Variants in CBLN2 observed in about 807,000 individuals in gnomAD.
CBLN2 encodes the protein cerebellin 2 precursor.
CBLN2 carries 7 observed loss-of-function variants against 15.0 expected under a neutral mutation model. That is an observed-to-expected ratio of 0.47 (90% CI 0.27 to 0.88). CBLN2 has a LOEUF of 0.88. Ranked by LOEUF, CBLN2 falls within the 40% of genes least tolerant of loss-of-function variation. The pLI is 0.14. For synonymous variants in CBLN2, 149 were observed against 135.2 expected (o/e 1.10, Z -0.71); for missense variants, 242 against 304.5 (o/e 0.79, Z 1.53).
intron 1 of CBLN2, among the ~76,000 whole-genome samples, chr18:72,578,119 A>G (rs1317924678): frequency 6.6e-6 from 1 of 152,172 alleles, no homozygotes; most frequent in African/African-American, 2.4e-5. Context: ...GGATTTTACT[A>G]CCCAGAGTAT....
Position 72,537,359 on chromosome 18 carries a change from CT to C in CBLN2, c.*816del, listed in dbSNP as rs1200302359. The C allele has an allele frequency of 6.6e-6, 1 of 152,160 alleles. No homozygotes were observed. The highest frequency in any genetic ancestry group is 1.9e-4 in the East Asian group (1 of 5,188). The allele number at this position is 152,160 out of a possible 1,614,324, so 9.4% of individuals were successfully genotyped here. A position where few individuals can be genotyped will look rare whatever the true frequency, so the allele number is the denominator to read the frequency against. ...TTACTTTTACTTTGATAAACAGATA[CT>C]TTTTGTTTAGTTTGGTCTCGTCTAA... On this transcript the variant is annotated 3_prime_UTR_variant, in exon 5 of 5. Coordinates refer to ENST00000269503, the MANE Select transcript of CBLN2 (RefSeq NM_182511.4).
chr18:72,571,801 C>T (rs928306768), intron 1 of CBLN2, among the ~76,000 whole-genome samples: 2 of 152,154 alleles, frequency 1.3e-5, no homozygotes, highest in African/African-American at 4.8e-5. Context: ...TATATGAAAG[C>T]TGTGTCAGAC....
chr18:72,551,937 CTTTCATATCAAAA>C (rs2069194304), intron 1 of CBLN2, among the ~76,000 whole-genome samples: 1 of 152,026 alleles, frequency 6.6e-6, no homozygotes, highest in Non-Finnish European at 1.5e-5. Context: ...TTGTGTTGAC[CTTTCATATCAAAA>C]AGTTAACTAC....
chr18:72,575,773 A>ATGAGAC (rs1271353568), intron 1 of CBLN2, among the ~76,000 whole-genome samples: 1 of 150,960 alleles, frequency 6.6e-6, no homozygotes, highest in East Asian at 2.0e-4. Flanking sequence ...TTTGGAAGGA[A>ATGAGAC]TGAGACAAGG....
intron 1 of CBLN2, among the ~76,000 whole-genome samples, chr18:72,633,459 G>T (rs2069790514): frequency 6.6e-6 from 1 of 152,236 alleles, no homozygotes; most frequent in South Asian, 2.1e-4. Context: ...AGTAGTAACA[G>T]GATAGTAGCT....
chr18:72,554,423 G>T (rs1428853763), intron 1 of CBLN2, among the ~76,000 whole-genome samples: 2 of 152,068 alleles, frequency 1.3e-5, no homozygotes, highest in Non-Finnish European at 2.9e-5. Context: ...TAGAGAAATT[G>T]TTCCCTTTCC....
intron 1 of CBLN2, among the ~76,000 whole-genome samples, chr18:72,603,220 T>C (rs1387453476): frequency 6.6e-6 from 1 of 152,260 alleles, no homozygotes; most frequent in Non-Finnish European, 1.5e-5. Flanking sequence ...TTTGATTTTA[T>C]AAAAACCTTT....
chr18:72,615,973 G>A (rs1023035009), intron 1 of CBLN2, among the ~76,000 whole-genome samples: 4 of 151,984 alleles, frequency 2.6e-5, no homozygotes, highest in African/African-American at 9.7e-5. Context: ...CAATTCTAAG[G>A]ACTCCTGTCG....
At chr18:72,563,118 A>G (rs1454184760) in intron 1 of CBLN2, among the ~76,000 whole-genome samples, 1 of 152,212 alleles carries the variant, frequency 6.6e-6, no homozygotes, top group Non-Finnish European at 1.5e-5. Flanking sequence ...ACAAAGACAC[A>G]CCTATAGAAA....
intron 3 of CBLN2, 54 bp from the exon 4 acceptor site, chr18:72,538,826 G>T: frequency 6.3e-7 from 1 of 1,593,732 alleles, no homozygotes. Context: ...CTCGGTGTAT[G>T]TTTTCATCAT....
At chr18:72,612,345 T>C (rs945803454) in intron 1 of CBLN2, among the ~76,000 whole-genome samples, 10 of 152,202 alleles carry the variant, frequency 6.6e-5, no homozygotes, top group Non-Finnish European at 1.3e-4. Flanking sequence ...TATGTGTGTA[T>C]GTGCCTGTGT....
At chr18:72,616,963 T>G (rs1201023755) in intron 1 of CBLN2, among the ~76,000 whole-genome samples, 1 of 152,180 alleles carries the variant, frequency 6.6e-6, no homozygotes, top group Non-Finnish European at 1.5e-5. Flanking sequence ...ATTAAACCTT[T>G]TAACACAGTC....
At chr18:72,581,296 TAATC>T (rs749566433) in intron 1 of CBLN2, among the ~76,000 whole-genome samples, 10 of 152,190 alleles carry the variant, frequency 6.6e-5, no homozygotes, top group Non-Finnish European at 1.5e-4. Context: ...ATCTTAAAAT[TAATC>T]AAGAGTTCCT....
intron 4 of CBLN2, 106 bp from the exon 5 acceptor site, chr18:72,538,479 A>T: frequency 7.0e-7 from 1 of 1,435,884 alleles, no homozygotes; most frequent in South Asian, 1.2e-5. Flanking sequence ...CTTCCCTTAG[A>T]GTACACATCA....
At chr18:72,604,477 G>A (rs679478) in intron 1 of CBLN2, among the ~76,000 whole-genome samples, 63,840 of 151,998 alleles carry the variant, frequency 0.42, 15,686 homozygotes, top group African/African-American at 0.67. Context: ...CTGTGTTTTA[G>A]GCAACACACA....
At chr18:72,558,464 T>G (rs1373649093) in intron 1 of CBLN2, among the ~76,000 whole-genome samples, 2 of 152,222 alleles carry the variant, frequency 1.3e-5, no homozygotes, top group Non-Finnish European at 2.9e-5. Context: ...ACAGGTTAGC[T>G]GAGCACTGCA....
chr18:72,558,485 G>A (rs1236934362), intron 1 of CBLN2, among the ~76,000 whole-genome samples: 2 of 152,146 alleles, frequency 1.3e-5, no homozygotes, highest in Admixed American at 6.5e-5. Flanking sequence ...AACCCTTCTA[G>A]TGGATCCTTG....
chr18:72,618,763 T>C, intron 1 of CBLN2: 15 of 727,058 alleles, frequency 2.1e-5, no homozygotes, highest in South Asian at 1.7e-4. Context: ...CATTCAGAAA[T>C]ACCATTCTGT....
At chr18:72,570,639 G>C (rs2069326268) in intron 1 of CBLN2, among the ~76,000 whole-genome samples, 1 of 151,856 alleles carries the variant, frequency 6.6e-6, no homozygotes. Flanking sequence ...TCTTGTGCTT[G>C]GGAAGACTAG....
Sources: gnomAD v4.1 joint callset for allele counts (sites outside exome capture counted in the v4.1 genomes callset) on GRCh38, gnomAD v4.1.1 for gene constraint, MANE v1.5 for transcripts, NCBI Gene and HGNC (gene_info 2026-07-23, HGNC 2026-07-21) for gene names.